CSMD1: variants seen among roughly 807,000 people sequenced by gnomAD.
CSMD1 encodes the protein CUB and sushi domain-containing protein 1.
A neutral mutation model predicts 417.5 loss-of-function variants in CSMD1; 213 were observed. The ratio of observed to expected loss-of-function variants is 0.51; its 90% confidence interval spans 0.46 to 0.57. The LOEUF (loss-of-function observed/expected upper bound fraction) is 0.57. Among genes scored for constraint, CSMD1 ranks in the 20% least tolerant of loss-of-function variants. The probability of loss-of-function intolerance (pLI) is 0.00; values close to 1 mark genes in which losing one functional copy is unlikely to be tolerated. For synonymous variants in CSMD1, 2,862 were observed against 1,736.8 expected (o/e 1.65, Z -16.11); for missense variants, 6,923 against 4,529.7 (o/e 1.53, Z -15.17).
At chr8:4,045,187 A>G (rs549329044) in intron 3 of CSMD1, among the ~76,000 whole-genome samples, 20 of 152,172 alleles carry the variant, frequency 1.3e-4, no homozygotes, top group Non-Finnish European at 2.5e-4. Context: ...GTGCTGAGGT[A>G]CTCATCTCTG....
chr8:3,451,636 C>G (rs1347430446), intron 12 of CSMD1, among the ~76,000 whole-genome samples: 8 of 152,084 alleles, frequency 5.3e-5, no homozygotes, highest in Non-Finnish European at 1.2e-4. Context: ...AGATATATGG[C>G]ATTATTTCTG....
chr8:4,858,724 C>T (rs1443108994), intron 1 of CSMD1, among the ~76,000 whole-genome samples: 2 of 147,194 alleles, frequency 1.4e-5, no homozygotes, highest in South Asian at 2.3e-4. Flanking sequence ...TGAAGGACCT[C>T]TTCAAGGAGA....
At chr8:4,640,093 C>G (rs925097563) in intron 1 of CSMD1, among the ~76,000 whole-genome samples, 2 of 152,020 alleles carry the variant, frequency 1.3e-5, no homozygotes, top group African/African-American at 4.8e-5. Context: ...TGTTATAGAC[C>G]CATCAGGTTG....
intron 6 of CSMD1, among the ~76,000 whole-genome samples, chr8:3,730,370 AT>A (rs374243053): frequency 0.12 from 15,990 of 131,742 alleles, 916 homozygotes; most frequent in Middle Eastern, 0.15. Context: ...TTAAGGAGCG[AT>A]TTTTTTTTTT....
intron 49 of CSMD1, among the ~76,000 whole-genome samples, chr8:3,082,995 T>C (rs932970039): frequency 2.0e-5 from 3 of 152,230 alleles, no homozygotes; most frequent in Admixed American, 1.3e-4. Flanking sequence ...GATGTGTTAA[T>C]TTAGCTGGGG....
rs1372376716 is a variant in CSMD1 at position 3,712,390 on chromosome 8, GAGAGAGAGAGACAGAC to G, written c.932-3915_932-3900del. On this transcript the variant is annotated intron_variant, in intron 6 of 69. Coordinates refer to ENST00000635120, the MANE Select transcript of CSMD1 (RefSeq NM_033225.6). ...CAAAGAAACAGGAGAGAGAGAGAGA[GAGAGAGAGAGACAGAC>G]AGACAGACAGACAGACAGACAGACA... 4.3e-4 allele frequency among the ~76,000 whole-genome samples: 19 copies of G among 44,610 alleles called. No individual in the cohort carries two copies. In the South Asian group the frequency reaches 5.6e-3, roughly 13 times the overall value. The allele number at this position is 44,610 out of a possible 152,430, so 29.3% of individuals were successfully genotyped here. A position where few individuals can be genotyped will look rare whatever the true frequency, so the allele number is the denominator to read the frequency against.
rs912049833 is a variant in CSMD1, at chr8:3,692,123, T to G, written c.1009+16291A>C. The stretch of plus-strand genomic sequence containing the variant: ...ATCTGGAGAGGCCTGGGGAAGCCAC[T>G]GCATCCGGGTCTCCTATCCCAGCCG... On this transcript the variant is annotated intron_variant, in intron 7 of 69. Transcript: ENST00000635120. Among the ~76,000 whole-genome samples the G allele has an allele frequency of 2.0e-5, 3 of 152,176 alleles. No individual in the cohort carries two copies. The East Asian group carries it at 5.8e-4, about 29-fold the overall frequency.
In CSMD1 at chr8:4,901,790, G is replaced by A. The variant is rs147132014; in HGVS notation, c.85+92542C>T. Among the ~76,000 whole-genome samples the A allele has an allele frequency of 6.6e-3, 1,004 of 152,230 alleles. 12 individuals carry two copies. The highest frequency in any genetic ancestry group is 0.023 in the African/African-American group (955 of 41,556). On this transcript the variant is annotated intron_variant, in intron 1 of 69. Transcript: ENST00000635120. ...GGGAGAGGTGCCTTCCTTGGAGGGA[G>A]GCACAATTGTGATTACATATTCTCA...
chr8:4,130,077 G>C lies in CSMD1; in HGVS notation c.416-97978C>G, dbSNP rs192317269. Among the ~76,000 whole-genome samples, 384 of 152,230 alleles carry C rather than the reference G, an allele frequency of 2.5e-3. 7 individuals are homozygous for C. Among genetic ancestry groups the C allele is most frequent in the Admixed American group, 0.023 (346 of 15,294 alleles). ...GAAAATGATCGAACCTCCTGAGTGT[G>C]TGTGTGAGAGGAGGGCTAGGGCTGC... On this transcript the variant is annotated intron_variant, in intron 3 of 69. Coordinates refer to ENST00000635120, the MANE Select transcript of CSMD1 (RefSeq NM_033225.6).
intron 1 of CSMD1, among the ~76,000 whole-genome samples, chr8:4,742,315 C>G (rs1465369000): frequency 1.3e-5 from 2 of 151,876 alleles, no homozygotes; most frequent in African/African-American, 4.8e-5. Context: ...TAGGCATGAG[C>G]CACTGCACCT....
At chr8:4,245,962 A>G (rs1802682731) in intron 3 of CSMD1, among the ~76,000 whole-genome samples, 1 of 152,166 alleles carries the variant, frequency 6.6e-6, no homozygotes, top group Non-Finnish European at 1.5e-5. Context: ...AATACAATCT[A>G]TCAGGGCCGT....
chr8:4,452,436 A>G (rs1799202193), intron 2 of CSMD1, among the ~76,000 whole-genome samples: 1 of 152,234 alleles, frequency 6.6e-6, no homozygotes, highest in African/African-American at 2.4e-5. Context: ...TTCTTGACAA[A>G]TAAGGCATTA....
intron 3 of CSMD1, among the ~76,000 whole-genome samples, chr8:4,227,167 G>C (rs1036327296): frequency 3.3e-5 from 5 of 152,112 alleles, no homozygotes; most frequent in African/African-American, 1.2e-4. Context: ...CTGCCTCTTT[G>C]CCTGCCCTCA....
At chr8:3,047,400 T>C (rs1200790970) in intron 50 of CSMD1, among the ~76,000 whole-genome samples, 1 of 152,130 alleles carries the variant, frequency 6.6e-6, no homozygotes, top group Admixed American at 6.5e-5. Context: ...GTCCTGTGCA[T>C]ATCTTCAGGC....
chr8:3,578,839 G>A (rs572822777), intron 9 of CSMD1, among the ~76,000 whole-genome samples: 1 of 152,158 alleles, frequency 6.6e-6, no homozygotes, highest in Non-Finnish European at 1.5e-5. Context: ...CGAAGTATGT[G>A]ATTAACCAGC....
chr8:4,015,363 G>A (rs900626967), intron 4 of CSMD1, among the ~76,000 whole-genome samples: 2 of 151,982 alleles, frequency 1.3e-5, no homozygotes, highest in African/African-American at 4.8e-5. Context: ...TAGTTTTCCT[G>A]CCTTTTCATC....
chr8:4,360,078 C>T (rs561463313), intron 3 of CSMD1, among the ~76,000 whole-genome samples: 2 of 152,262 alleles, frequency 1.3e-5, no homozygotes, highest in East Asian at 3.9e-4. Context: ...CCTGGGATCT[C>T]GGACAAGTTA....
At chr8:4,315,023 C>A (rs1415700271) in intron 3 of CSMD1, among the ~76,000 whole-genome samples, 3 of 152,102 alleles carry the variant, frequency 2.0e-5, no homozygotes, top group African/African-American at 7.2e-5. Context: ...GAAAAGAGGT[C>A]CCTCTTCTAA....
At chr8:4,115,753 T>G (rs905928489) in intron 3 of CSMD1, among the ~76,000 whole-genome samples, 1 of 151,762 alleles carries the variant, frequency 6.6e-6, no homozygotes, top group Non-Finnish European at 1.5e-5. Context: ...TATTCAGTGC[T>G]AAAAAGAAAT....
Sources: gnomAD v4.1 joint callset for allele counts (sites outside exome capture counted in the v4.1 genomes callset) on GRCh38, gnomAD v4.1.1 for gene constraint, MANE v1.5 for transcripts, NCBI Gene and HGNC (gene_info 2026-07-23, HGNC 2026-07-21) for gene names.